Variants in EXT2 observed in about 807,000 individuals in gnomAD.
The protein encoded by EXT2 is exostosin glycosyltransferase 2.
EXT2 carries 53 observed loss-of-function variants against 81.6 expected under a neutral mutation model. The observed-to-expected ratio is 0.65, with a 90% CI of 0.52 to 0.82. The LOEUF (loss-of-function observed/expected upper bound fraction) is 0.82. EXT2 is among the 40% of genes least tolerant of loss of function. The pLI is 0.00. For missense variants in EXT2, 774 were observed against 910.2 expected (o/e 0.85, Z 1.93); for synonymous variants, 320 against 340.0 (o/e 0.94, Z 0.65).
At position 44,249,367 on chromosome 11, in the gene EXT2, C is replaced by G. The variant is rs946514953; in HGVS notation, c.*5080C>G. On this transcript the variant is annotated 3_prime_UTR_variant, in exon 14 of 14. Coordinates refer to ENST00000533608, the MANE Select transcript of EXT2 (RefSeq NM_207122.2). ...CACTGGTTGCATCTCTTCCCACTCT[C>G]CCTGAAAGGCACAGAACTATCAGAC... is the stretch of plus-strand genomic sequence containing the variant. Among the ~76,000 whole-genome samples, 1 of 152,188 alleles carries G rather than the reference C, an allele frequency of 6.6e-6. No homozygotes were observed. Among genetic ancestry groups the G allele is most frequent in the African/African-American group, 2.4e-5 (1 of 41,444 alleles).
At chr11:44,217,245 A>T (rs568104906) in intron 10 of EXT2, among the ~76,000 whole-genome samples, 102 of 152,248 alleles carry the variant, frequency 6.7e-4, no homozygotes, top group African/African-American at 2.4e-3. Context: ...AAGGCACACC[A>T]TAGCAAGTTC....
chr11:44,119,525 G>A lies in EXT2; in HGVS notation c.743+5224G>A, dbSNP rs147499083. Among the ~76,000 whole-genome samples the A allele has an allele frequency of 2.6e-3, 390 of 152,298 alleles. 2 individuals are homozygous for A. The highest frequency in any genetic ancestry group is 4.2e-3 in the Non-Finnish European group (286 of 68,022). ...GACTTAGCACCCAGGACCTTTCTTA[G>A]GAGCTGATTGCATAGGCTGTCTCTG... On this transcript the variant is annotated intron_variant, in intron 4 of 13. Transcript: ENST00000533608.
At chr11:44,098,888 G>A (rs988096484) in intron 1 of EXT2, among the ~76,000 whole-genome samples, 3 of 152,100 alleles carry the variant, frequency 2.0e-5, no homozygotes, top group African/African-American at 4.8e-5. Flanking sequence ...GTCAGAGGCC[G>A]TCACATATAA....
intron 4 of EXT2, among the ~76,000 whole-genome samples, chr11:44,119,304 C>T (rs1168855222): frequency 6.6e-6 from 1 of 151,638 alleles, no homozygotes; most frequent in African/African-American, 2.4e-5. Flanking sequence ...ATTGTACTAA[C>T]GTCTGTGACT....
chr11:44,167,809 T>G (rs1474886379), intron 7 of EXT2, among the ~76,000 whole-genome samples: 1 of 152,144 alleles, frequency 6.6e-6, no homozygotes, highest in Non-Finnish European at 1.5e-5. Flanking sequence ...AGAAGGAGAC[T>G]TTCTTTTTTT....
chr11:44,244,098 T>C (rs1188866490), intron 13 of EXT2, 51 bp from the exon 14 acceptor site: 5 of 1,564,102 alleles, frequency 3.2e-6, no homozygotes, highest in Non-Finnish European at 4.4e-6. Flanking sequence ...GCCCCCATCC[T>C]TCTCATTCTG....
In EXT2 at chr11:44,206,941, G is replaced by A; in HGVS notation, c.1644G>A (p.Glu548=). The A allele has an allele frequency of 6.2e-7, 1 of 1,614,104 alleles. No individual in the cohort carries two copies. The highest frequency in any genetic ancestry group is 8.5e-7 in the Non-Finnish European group (1 of 1,180,002). The change falls in exon 10 of 14, where the codon GAG becomes GAA. Residue 548 remains glutamate, a synonymous_variant. Coordinates refer to ENST00000533608, the MANE Select transcript of EXT2 (RefSeq NM_207122.2). ...DDDIIMLTSD[E]LQFGYEVWRE... is the part of the protein sequence containing the mutation. ...ATATCATTATGCTGACCTCTGACGA[G>A]CTGCAATTTGGTTATGAGGTAAGGA... is the stretch of plus-strand genomic sequence containing the variant.
At chr11:44,166,900 G>A (rs1006790742) in intron 7 of EXT2, among the ~76,000 whole-genome samples, 3 of 152,172 alleles carry the variant, frequency 2.0e-5, no homozygotes, top group Non-Finnish European at 2.9e-5. Context: ...GACCAGGAAA[G>A]AATAGCTGAT....
intron 10 of EXT2, among the ~76,000 whole-genome samples, chr11:44,209,856 A>G (rs1470616490): frequency 6.6e-6 from 1 of 152,178 alleles, no homozygotes; most frequent in East Asian, 1.9e-4. Flanking sequence ...TTTTCCTTCT[A>G]GAATGTAAGC....
In EXT2 at chr11:44,208,489, A is replaced by G. The variant is rs1955610245; in HGVS notation, c.1662+1530A>G. Among the ~76,000 whole-genome samples the G allele has an allele frequency of 3.3e-5, 5 of 152,236 alleles. No individual in the cohort carries two copies. The South Asian group carries it at 1.0e-3, about 31-fold the overall frequency. On this transcript the variant is annotated intron_variant, in intron 10 of 13. Coordinates refer to ENST00000533608, the MANE Select transcript of EXT2 (RefSeq NM_207122.2). Reference sequence around the variant, plus strand: ...AGTTTTGCAGCACTTAAAGGGACTGAGCTCGAATCTTTACCTCTTTCCTCT... The same window carrying G: ...AGTTTTGCAGCACTTAAAGGGACTGGGCTCGAATCTTTACCTCTTTCCTCT...
chr11:44,109,173 A>G (rs1439755591), intron 2 of EXT2, 21 bp from the exon 3 acceptor site: 3 of 1,612,446 alleles, frequency 1.9e-6, no homozygotes, highest in Admixed American at 3.3e-5. Context: ...TAATTCTCCT[A>G]CATTTTAAAT....
At chr11:44,113,923 C>T (rs1282256049) in intron 3 of EXT2, among the ~76,000 whole-genome samples, 1 of 151,924 alleles carries the variant, frequency 6.6e-6, no homozygotes, top group Non-Finnish European at 1.5e-5. Flanking sequence ...CGTAAGGTGT[C>T]CTCTGGACTA....
At chr11:44,157,411 A>G (rs182083825) in intron 7 of EXT2, among the ~76,000 whole-genome samples, 2 of 152,318 alleles carry the variant, frequency 1.3e-5, no homozygotes, top group South Asian at 2.1e-4. Context: ...TTGGTTCTCT[A>G]TTCTACGTGG....
chr11:44,180,823 T>C (rs377210262), intron 8 of EXT2, among the ~76,000 whole-genome samples: 1 of 152,162 alleles, frequency 6.6e-6, no homozygotes, highest in Non-Finnish European at 1.5e-5. Context: ...TTATTCTGGC[T>C]GGGCGCGGTG....
intron 4 of EXT2, among the ~76,000 whole-genome samples, chr11:44,123,877 A>G (rs1218457076): frequency 6.7e-6 from 1 of 148,772 alleles, no homozygotes. Flanking sequence ...GTGTTTCCAT[A>G]TCTGTCTCTT....
In EXT2 at chr11:44,245,860, A is replaced by G. The variant is rs1956089282; in HGVS notation, c.*1573A>G. On this transcript the variant is annotated 3_prime_UTR_variant, in exon 14 of 14. Transcript: ENST00000533608. ...ATCGAATCATGGACTATTATTGCCA[A>G]AGGGGGCAAGCGATCATCTCATCCA... Among the ~76,000 whole-genome samples the G allele has an allele frequency of 6.6e-6, 1 of 152,240 alleles. No individual in the cohort carries two copies. Among genetic ancestry groups the G allele is most frequent in the Admixed American group, 6.5e-5 (1 of 15,284 alleles).
In EXT2 at chr11:44,174,014, C is replaced by T. The variant is rs1469043961; in HGVS notation, c.1305+2272C>T. On this transcript the variant is annotated intron_variant, in intron 8 of 13. Coordinates refer to ENST00000533608, the MANE Select transcript of EXT2 (RefSeq NM_207122.2). ...ATGTTGATAGATATTAACAAATTGC[C>T]CTTTCAAAAGACTATATTAATGTAT... is the stretch of plus-strand genomic sequence containing the variant. Among the ~76,000 whole-genome samples the T allele has an allele frequency of 4.6e-5, 7 of 152,202 alleles. 1 individual carries two copies. The Middle Eastern group carries it at 0.01, about 222-fold the overall frequency.
At chr11:44,120,601 A>G (rs943789064) in intron 4 of EXT2, among the ~76,000 whole-genome samples, 17 of 152,220 alleles carry the variant, frequency 1.1e-4, no homozygotes, top group African/African-American at 3.9e-4. Context: ...GGGCCATCTC[A>G]TGGCAGTGTT....
At chr11:44,202,246 A>G (rs1267464366) in intron 9 of EXT2, among the ~76,000 whole-genome samples, 1 of 152,226 alleles carries the variant, frequency 6.6e-6, no homozygotes, top group Non-Finnish European at 1.5e-5. Flanking sequence ...CTTTGTGGAC[A>G]TGGTCTCAAG....
Sources: gnomAD v4.1 joint callset for allele counts (sites outside exome capture counted in the v4.1 genomes callset) on GRCh38, gnomAD v4.1.1 for gene constraint, MANE v1.5 for transcripts, NCBI Gene and HGNC (gene_info 2026-07-23, HGNC 2026-07-21) for gene names.